The following TRAPPC8 variants were observed in gnomAD, a reference collection of about 807,000 sequenced individuals.
TRAPPC8 encodes the protein trafficking protein particle complex subunit 8, also known as general sporulation gene 1 homolog.
A neutral mutation model predicts 174.3 loss-of-function variants in TRAPPC8; 54 were observed. That is an observed-to-expected ratio of 0.31 (90% CI 0.25 to 0.39). TRAPPC8 has a LOEUF of 0.39. Among genes scored for constraint, TRAPPC8 ranks in the 10% least tolerant of loss-of-function variants. The pLI is 1.00. For missense variants in TRAPPC8, 1,531 were observed against 1,699.1 expected, an observed-to-expected ratio of 0.90 and a Z score of 1.74; for synonymous variants, 630 against 579.9, an observed-to-expected ratio of 1.09 and a Z score of -1.24.
intron 9 of TRAPPC8, among the ~76,000 whole-genome samples, chr18:31,902,740 G>C (rs551108864): frequency 2.6e-5 from 4 of 152,028 alleles, no homozygotes; most frequent in African/African-American, 9.7e-5. Flanking sequence ...CCCATTTGCC[G>C]GGTTTTCTGT....
At chr18:31,870,569 T>C in intron 15 of TRAPPC8, 67 bp from the exon 16 acceptor site, 3 of 1,500,238 alleles carry the variant, frequency 2.0e-6, no homozygotes, top group Non-Finnish European at 2.7e-6. Flanking sequence ...GCTTCGATCT[T>C]CTAAATGCAT....
At chr18:31,886,757 C>T (rs112287298) in intron 12 of TRAPPC8, among the ~76,000 whole-genome samples, 4,420 of 152,186 alleles carry the variant, frequency 0.029, 228 homozygotes, top group African/African-American at 0.099. Context: ...CTGAGGCGAG[C>T]GGATCACGAG....
chr18:31,857,659 AAC>A lies in TRAPPC8; in HGVS notation c.3067_3068del (p.Val1023SerfsTer17). On this transcript the variant is annotated frameshift_variant, in exon 20 of 29. Coordinates refer to ENST00000283351, the MANE Select transcript of TRAPPC8 (RefSeq NM_014939.5). LOFTEE classifies it high-confidence loss of function. ...EVIPVPLPDT[V>X]LLPGASVQLP... Reference sequence around the variant, plus strand: ...GCTGCACTGAGGCTCCGGGTAGAAGAACAGTGTCAGGAAGGGGAACAGGAATC... The same window carrying A: ...GCTGCACTGAGGCTCCGGGTAGAAGAAGTGTCAGGAAGGGGAACAGGAATC... The A allele has an allele frequency of 6.2e-7, 1 of 1,614,194 alleles. No homozygotes were observed. Among genetic ancestry groups the A allele is most frequent in the Non-Finnish European group, 8.5e-7 (1 of 1,180,030 alleles).
At chr18:31,850,501 A>T (rs922518390) in intron 24 of TRAPPC8, among the ~76,000 whole-genome samples, 7 of 152,244 alleles carry the variant, frequency 4.6e-5, no homozygotes, top group African/African-American at 1.4e-4. Context: ...AAACAATGAA[A>T]GCATGAGATA....
At chr18:31,916,515 A>C (rs959863663) in intron 3 of TRAPPC8, 69 bp from the exon 4 acceptor site, 20 of 1,406,076 alleles carry the variant, frequency 1.4e-5, no homozygotes, top group Non-Finnish European at 1.8e-5. Flanking sequence ...TACTGAGATA[A>C]ACAGGAGGTT....
At chr18:31,896,901 G>A (rs1473501752) in intron 11 of TRAPPC8, among the ~76,000 whole-genome samples, 6 of 152,166 alleles carry the variant, frequency 3.9e-5, no homozygotes, top group African/African-American at 1.4e-4. Flanking sequence ...TAGGATTACA[G>A]GCATGAGCCA....
intron 2 of TRAPPC8, among the ~76,000 whole-genome samples, chr18:31,920,945 CAAAAAAA>C (rs71177808): frequency 9.4e-4 from 72 of 76,900 alleles, no homozygotes; most frequent in Non-Finnish European, 1.7e-3. Flanking sequence ...CACTCCGTCT[CAAAAAAA>C]AAAAAAAAAA....
chr18:31,919,588 AT>A lies in TRAPPC8; in HGVS notation c.353-1922del, dbSNP rs1276049121. ...AATAAATAAATAAATAAATAAATAA[AT>A]AAAATAATAATAATCCTAACACTTT... On this transcript the variant is annotated intron_variant, in intron 2 of 28. Coordinates refer to ENST00000283351, the MANE Select transcript of TRAPPC8 (RefSeq NM_014939.5). 3.6e-3 allele frequency among the ~76,000 whole-genome samples: 230 copies of A among 64,034 alleles called. 2 individuals are homozygous for A. The highest frequency in any genetic ancestry group is 9.3e-3 in the African/African-American group (204 of 22,002). The allele number at this position is 64,034 out of a possible 152,430, so 42.0% of individuals were successfully genotyped here.
chr18:31,887,896 G>C (rs1471332664), intron 12 of TRAPPC8, among the ~76,000 whole-genome samples: 3 of 152,128 alleles, frequency 2.0e-5, no homozygotes, highest in South Asian at 2.1e-4. Flanking sequence ...AATACGAAGA[G>C]AGGAAGTCAA....
intron 11 of TRAPPC8, chr18:31,895,951 A>G (rs1223540816): frequency 6.6e-6 from 1 of 152,252 alleles, no homozygotes; most frequent in Non-Finnish European, 1.5e-5. Context: ...TTCAGTTACA[A>G]CAAACACTTG....
At chr18:31,917,470 AT>A (rs1480471392) in intron 3 of TRAPPC8, 107 bp downstream of exon 3, 2 of 936,644 alleles carry the variant, frequency 2.1e-6, no homozygotes, top group Non-Finnish European at 3.2e-6. Context: ...ATAAAAAATA[AT>A]TTATCTATTC....
At chr18:31,914,846 C>T (rs931767638) in intron 4 of TRAPPC8, among the ~76,000 whole-genome samples, 5 of 152,084 alleles carry the variant, frequency 3.3e-5, no homozygotes, top group Admixed American at 2.0e-4. Context: ...ATTCACATAT[C>T]CCAAATACAA....
chr18:31,853,719 A>C, intron 22 of TRAPPC8, 130 bp downstream of exon 22: 1 of 639,642 alleles, frequency 1.6e-6, no homozygotes, highest in Non-Finnish European at 2.6e-6. Flanking sequence ...ACAGTTAGGT[A>C]AACTAATGAA....
chr18:31,848,788 A>T (rs2033548063), intron 25 of TRAPPC8, among the ~76,000 whole-genome samples: 1 of 152,166 alleles, frequency 6.6e-6, no homozygotes. Flanking sequence ...TTTACTGCAG[A>T]ATAATTTTTA....
chr18:31,909,316 A>C (rs540608015), intron 6 of TRAPPC8, among the ~76,000 whole-genome samples: 1 of 152,188 alleles, frequency 6.6e-6, no homozygotes, highest in African/African-American at 2.4e-5. Context: ...AAGCCGTAAG[A>C]AAAAATATAA....
chr18:31,861,482 C>T (rs981554386), intron 19 of TRAPPC8, among the ~76,000 whole-genome samples: 1 of 152,106 alleles, frequency 6.6e-6, no homozygotes, highest in Non-Finnish European at 1.5e-5. Flanking sequence ...AAAACTTTCA[C>T]TTAGAAAATG....
At chr18:31,890,904 C>T (rs899457945) in intron 11 of TRAPPC8, 38 bp from the exon 12 acceptor site, 3 of 1,563,428 alleles carry the variant, frequency 1.9e-6, no homozygotes, top group Non-Finnish European at 2.6e-6. Context: ...TTAGTTTCAC[C>T]AAGTTAAAAG....
intron 1 of TRAPPC8, among the ~76,000 whole-genome samples, chr18:31,934,104 C>T (rs927524639): frequency 2.0e-5 from 3 of 151,932 alleles, no homozygotes; most frequent in Non-Finnish European, 4.4e-5. Flanking sequence ...AAGAGAATCA[C>T]TTGAAACCAG....
intron 10 of TRAPPC8, among the ~76,000 whole-genome samples, chr18:31,898,802 T>C (rs1487688660): frequency 6.6e-6 from 1 of 152,214 alleles, no homozygotes; most frequent in Non-Finnish European, 1.5e-5. Context: ...AAAACATTCT[T>C]ACTATGAAAT....
Sources: gnomAD v4.1 joint callset for allele counts (sites outside exome capture counted in the v4.1 genomes callset) on GRCh38, gnomAD v4.1.1 for gene constraint, MANE v1.5 for transcripts, NCBI Gene and HGNC (gene_info 2026-07-23, HGNC 2026-07-21) for gene names.